DPP10: variants seen among roughly 807,000 people sequenced by gnomAD.
DPP10 encodes inactive dipeptidyl peptidase 10.
A neutral mutation model predicts 120.9 loss-of-function variants in DPP10; 33 were observed. That is an observed-to-expected ratio of 0.27 (90% CI 0.21 to 0.37). The LOEUF (loss-of-function observed/expected upper bound fraction) is 0.37, where lower values mean the gene tolerates loss of function less well. Among genes scored for constraint, DPP10 ranks in the 10% least tolerant of loss-of-function variants. The pLI, the probability that DPP10 is intolerant of heterozygous loss-of-function variation, is 1.00. For missense variants in DPP10, 816 were observed against 942.8 expected, an observed-to-expected ratio of 0.87 and a Z score of 1.76; for synonymous variants, 337 against 326.1, an observed-to-expected ratio of 1.03 and a Z score of -0.36.
At chr2:115,624,039 G>A (rs1019058672) in intron 5 of DPP10, among the ~76,000 whole-genome samples, 1 of 151,578 alleles carries the variant, frequency 6.6e-6, no homozygotes, top group Admixed American at 6.6e-5. Context: ...CTGTAAATTA[G>A]TTATGGTAAT....
intron 1 of DPP10, among the ~76,000 whole-genome samples, chr2:114,745,300 G>A (rs568838100): frequency 2.6e-5 from 4 of 152,280 alleles, no homozygotes; most frequent in African/African-American, 9.6e-5. Context: ...CCTCATGCCA[G>A]AGTTTACTAC....
intron 1 of DPP10, among the ~76,000 whole-genome samples, chr2:114,785,085 C>T (rs953620577): frequency 6.6e-6 from 1 of 152,166 alleles, no homozygotes; most frequent in East Asian, 1.9e-4. Flanking sequence ...GGAGTCCTTT[C>T]TGGTCACCGG....
At chr2:115,623,765 C>A (rs2085152888) in intron 5 of DPP10, among the ~76,000 whole-genome samples, 1 of 152,044 alleles carries the variant, frequency 6.6e-6, no homozygotes, top group Non-Finnish European at 1.5e-5. Context: ...AGAGCCTTTA[C>A]CGTATGAAAT....
At chr2:114,572,085 A>G (rs905411877) in intron 1 of DPP10, among the ~76,000 whole-genome samples, 2 of 151,548 alleles carry the variant, frequency 1.3e-5, no homozygotes, top group African/African-American at 4.8e-5. Context: ...AACCACTACC[A>G]TCCAAATCTG....
At chr2:115,385,573 T>G (rs1320905251) in intron 3 of DPP10, among the ~76,000 whole-genome samples, 1 of 152,060 alleles carries the variant, frequency 6.6e-6, no homozygotes, top group Non-Finnish European at 1.5e-5. Context: ...GCCAGGCTGT[T>G]CTTGAACTCC....
At chr2:114,931,760 C>T (rs867801391) in intron 1 of DPP10, among the ~76,000 whole-genome samples, 9 of 152,298 alleles carry the variant, frequency 5.9e-5, no homozygotes, top group Middle Eastern at 6.8e-3. Context: ...AACCAAGCTG[C>T]ATGTCAGGAT....
intron 1 of DPP10, among the ~76,000 whole-genome samples, chr2:114,779,172 G>C (rs1026578739): frequency 2.6e-5 from 4 of 152,020 alleles, no homozygotes. Context: ...GAAACTTCCA[G>C]ACTACACAGA....
chr2:115,033,979 C>T (rs760092341), intron 1 of DPP10, among the ~76,000 whole-genome samples: 2 of 136,504 alleles, frequency 1.5e-5, no homozygotes, highest in South Asian at 2.5e-4. Flanking sequence ...CTTACTGAAA[C>T]CTCTGTCTCC....
intron 1 of DPP10, among the ~76,000 whole-genome samples, chr2:115,091,094 G>A (rs114084511): frequency 0.016 from 2,475 of 152,294 alleles, 53 homozygotes; most frequent in African/African-American, 0.047. Flanking sequence ...GATATAAAGA[G>A]ATGGCCATTG....
chr2:115,014,176 C>T (rs1372521482), intron 1 of DPP10, among the ~76,000 whole-genome samples: 4 of 152,102 alleles, frequency 2.6e-5, no homozygotes, highest in African/African-American at 4.8e-5. Flanking sequence ...AATTAGAACT[C>T]GAGATTAAGA....
At chr2:115,197,106 A>G (rs760268507) in intron 1 of DPP10, among the ~76,000 whole-genome samples, 1 of 152,258 alleles carries the variant, frequency 6.6e-6, no homozygotes, top group South Asian at 2.1e-4. Flanking sequence ...ACGAAGGAGT[A>G]GGCAAGGCCG....
intron 3 of DPP10, among the ~76,000 whole-genome samples, chr2:115,360,091 C>T (rs751988337): frequency 1.1e-4 from 16 of 152,222 alleles, no homozygotes; most frequent in Middle Eastern, 3.4e-3. Context: ...ATTCTGAATT[C>T]TATGTCTGTC....
chr2:115,536,121 A>C (rs72826456), intron 5 of DPP10, among the ~76,000 whole-genome samples: 3,238 of 152,142 alleles, frequency 0.021, 48 homozygotes, highest in Middle Eastern at 0.068. Context: ...TACACACACA[A>C]AAAAAGAAGA....
intron 2 of DPP10, among the ~76,000 whole-genome samples, chr2:115,310,565 G>A (rs1466045881): frequency 6.6e-6 from 1 of 152,100 alleles, no homozygotes; most frequent in Non-Finnish European, 1.5e-5. Flanking sequence ...GGAGAGAAAG[G>A]TAATTGGAAA....
intron 1 of DPP10, among the ~76,000 whole-genome samples, chr2:114,997,649 A>G (rs1701183452): frequency 6.6e-6 from 1 of 152,224 alleles, no homozygotes; most frequent in Admixed American, 6.5e-5. Flanking sequence ...CAAAGAAGTC[A>G]TTGTGAAAAC....
intron 5 of DPP10, among the ~76,000 whole-genome samples, chr2:115,678,882 G>C (rs1399232117): frequency 6.6e-6 from 1 of 151,768 alleles, no homozygotes; most frequent in Non-Finnish European, 1.5e-5. Flanking sequence ...AGTCAAAACA[G>C]ATCATTTTGG....
At chr2:114,788,625 G>A (rs1667637043) in intron 1 of DPP10, among the ~76,000 whole-genome samples, 1 of 151,910 alleles carries the variant, frequency 6.6e-6, no homozygotes, top group African/African-American at 2.4e-5. Flanking sequence ...CACCATGTTG[G>A]CCAGGAGAAC....
At chr2:114,907,888 T>G (rs554408144) in intron 1 of DPP10, among the ~76,000 whole-genome samples, 1 of 152,232 alleles carries the variant, frequency 6.6e-6, no homozygotes, top group East Asian at 1.9e-4. Context: ...GTTCTACTTA[T>G]TATTGGAAAT....
At chr2:115,331,461 T>C (rs1165156780) in intron 2 of DPP10, among the ~76,000 whole-genome samples, 1 of 152,214 alleles carries the variant, frequency 6.6e-6, no homozygotes, top group Non-Finnish European at 1.5e-5. Flanking sequence ...AGCACTATGT[T>C]GAATAGGAGT....
Sources: gnomAD v4.1 joint callset for allele counts (sites outside exome capture counted in the v4.1 genomes callset) on GRCh38, gnomAD v4.1.1 for gene constraint, MANE v1.5 for transcripts, NCBI Gene and HGNC (gene_info 2026-07-23, HGNC 2026-07-21) for gene names.